PDE7B: variants seen among roughly 807,000 people sequenced by gnomAD.
PDE7B encodes the protein phosphodiesterase 7B.
PDE7B carries 29 observed loss-of-function variants against 56.2 expected under a neutral mutation model. The observed-to-expected ratio is 0.52, with a 90% CI of 0.38 to 0.70. The LOEUF (loss-of-function observed/expected upper bound fraction) is 0.70, where lower values mean the gene tolerates loss of function less well. PDE7B is among the 30% of genes least tolerant of loss of function. The probability of loss-of-function intolerance (pLI) is 0.00; values close to 1 mark genes in which losing one functional copy is unlikely to be tolerated. For synonymous variants in PDE7B, 197 were observed against 196.9 expected (o/e 1.00, Z 0.00); for missense variants, 490 against 565.0 (o/e 0.87, Z 1.35).
intron 2 of PDE7B, chr6:136,096,310 G>T (rs530065486): frequency 2.7e-4 from 41 of 152,242 alleles, no homozygotes; most frequent in African/African-American, 9.4e-4. Context: ...CCAGAATCAG[G>T]AAGTTCAGAA....
intron 3 of PDE7B, chr6:136,112,583 C>T (rs1050243223): frequency 6.6e-6 from 1 of 152,006 alleles, no homozygotes; most frequent in Middle Eastern, 3.2e-3. Flanking sequence ...GCCACAAGCA[C>T]ATTCAGTCCA....
intron 2 of PDE7B, among the ~76,000 whole-genome samples, chr6:136,053,069 AAAGT>A (rs1237993413): frequency 6.6e-6 from 1 of 152,112 alleles, no homozygotes; most frequent in Non-Finnish European, 1.5e-5. Flanking sequence ...TTTTTTTAAA[AAAGT>A]TATACTTCAA....
intron 3 of PDE7B, among the ~76,000 whole-genome samples, chr6:136,119,394 T>G (rs1187262853): frequency 6.6e-6 from 1 of 152,170 alleles, no homozygotes; most frequent in Admixed American, 6.5e-5. Flanking sequence ...GAGATTTTAT[T>G]TTTAAAAATT....
chr6:135,972,852 G>A (rs1194564657), intron 2 of PDE7B, among the ~76,000 whole-genome samples: 2 of 152,106 alleles, frequency 1.3e-5, no homozygotes, highest in Non-Finnish European at 2.9e-5. Context: ...TGGGTGTGAG[G>A]AGAGAACAAT....
chr6:135,896,567 A>G (rs1304690916), intron 1 of PDE7B, among the ~76,000 whole-genome samples: 1 of 152,118 alleles, frequency 6.6e-6, no homozygotes, highest in Admixed American at 6.6e-5. Flanking sequence ...TGTTTTACAT[A>G]TATTTGCTGT....
At chr6:136,168,296 A>G (rs1399610853) in intron 8 of PDE7B, among the ~76,000 whole-genome samples, 1 of 152,206 alleles carries the variant, frequency 6.6e-6, no homozygotes, top group East Asian at 1.9e-4. Flanking sequence ...ACAATTTCAT[A>G]AAGCATTGAA....
intron 1 of PDE7B, among the ~76,000 whole-genome samples, chr6:135,932,202 T>C (rs73558719): frequency 6.6e-4 from 100 of 152,084 alleles, no homozygotes; most frequent in African/African-American, 2.2e-3. Flanking sequence ...ATTTCAGATA[T>C]AAAAAAATAG....
chr6:136,176,373 G>A (rs1778977316), intron 9 of PDE7B, among the ~76,000 whole-genome samples: 1 of 151,756 alleles, frequency 6.6e-6, no homozygotes, highest in African/African-American at 2.4e-5. Context: ...GATCTTTTCA[G>A]TTTATTTTCT....
In PDE7B at chr6:136,140,325, T is replaced by C. The variant is rs182876194; in HGVS notation, c.167-7026T>C. Among the ~76,000 whole-genome samples the C allele has an allele frequency of 7.0e-4, 107 of 152,284 alleles. 2 individuals are homozygous for C. Among genetic ancestry groups the C allele is most frequent in the East Asian group, 9.7e-4 (5 of 5,172 alleles). On this transcript the variant is annotated intron_variant, in intron 3 of 12. Coordinates refer to ENST00000308191, the MANE Select transcript of PDE7B (RefSeq NM_018945.4). ...TGAGGGCTCTGTTCTGTTCCATTGGTCTGTATCTCTGTTTTGGTACCAGTA... is the reference window on the plus strand; with the variant it reads ...TGAGGGCTCTGTTCTGTTCCATTGGCCTGTATCTCTGTTTTGGTACCAGTA...
chr6:135,956,287 G>A (rs894084460), intron 2 of PDE7B, among the ~76,000 whole-genome samples: 3 of 152,176 alleles, frequency 2.0e-5, no homozygotes, highest in Non-Finnish European at 2.9e-5. Context: ...TTAGCCAAGA[G>A]GAGAGAGTTT....
At chr6:136,179,315 T>C (rs1779026757) in intron 10 of PDE7B, among the ~76,000 whole-genome samples, 174 bp downstream of exon 10, 2 of 152,074 alleles carry the variant, frequency 1.3e-5, no homozygotes, top group African/African-American at 2.4e-5. Context: ...CACTCCAGCC[T>C]GGGTGACAGA....
At chr6:136,083,799 CCTT>C (rs1322638660) in intron 2 of PDE7B, among the ~76,000 whole-genome samples, 13 of 152,084 alleles carry the variant, frequency 8.5e-5, no homozygotes, top group Admixed American at 1.3e-4. Context: ...TCTCTCTGCT[CCTT>C]CTTCCCCTCT....
chr6:136,014,394 CATG>C (rs1324150188), intron 2 of PDE7B, among the ~76,000 whole-genome samples: 1 of 152,160 alleles, frequency 6.6e-6, no homozygotes, highest in East Asian at 1.9e-4. Flanking sequence ...CATGTATACA[CATG>C]ATATATATTC....
chr6:135,894,791 C>T (rs1053823827), intron 1 of PDE7B, among the ~76,000 whole-genome samples: 1 of 152,088 alleles, frequency 6.6e-6, no homozygotes, highest in African/African-American at 2.4e-5. Flanking sequence ...CAGTACGAGA[C>T]GGGTCCCACT....
intron 2 of PDE7B, among the ~76,000 whole-genome samples, chr6:136,075,819 G>C (rs1307481521): frequency 1.3e-5 from 2 of 152,124 alleles, no homozygotes; most frequent in Admixed American, 6.5e-5. Context: ...GGTACGGCTA[G>C]TCAAGGCACA....
intron 2 of PDE7B, among the ~76,000 whole-genome samples, chr6:135,997,011 C>G (rs947530454): frequency 2.6e-5 from 4 of 152,106 alleles, no homozygotes; most frequent in African/African-American, 9.7e-5. Flanking sequence ...CTGAACTATC[C>G]TTTAATAGCC....
intron 2 of PDE7B, among the ~76,000 whole-genome samples, chr6:136,081,325 G>A (rs1174425179): frequency 6.6e-6 from 1 of 152,176 alleles, no homozygotes; most frequent in Non-Finnish European, 1.5e-5. Flanking sequence ...GACCCAATGA[G>A]AGGAATCCAA....
intron 1 of PDE7B, among the ~76,000 whole-genome samples, chr6:135,917,615 ATTG>A (rs576764969): frequency 6.7e-6 from 1 of 149,276 alleles, no homozygotes; most frequent in Non-Finnish European, 1.5e-5. Flanking sequence ...TTTTTTTTTT[ATTG>A]TTGTTGTTGT....
At chr6:136,097,597 A>G (rs1777489365) in intron 2 of PDE7B, among the ~76,000 whole-genome samples, 1 of 152,184 alleles carries the variant, frequency 6.6e-6, no homozygotes, top group African/African-American at 2.4e-5. Flanking sequence ...AGTTGTTTTT[A>G]ATACACAAAT....
Sources: gnomAD v4.1 joint callset for allele counts (sites outside exome capture counted in the v4.1 genomes callset) on GRCh38, gnomAD v4.1.1 for gene constraint, MANE v1.5 for transcripts, NCBI Gene and HGNC (gene_info 2026-07-23, HGNC 2026-07-21) for gene names.